The following PHF21B variants were observed in gnomAD, a reference collection of about 807,000 sequenced individuals.
PHF21B encodes PHD finger protein 4.
A neutral mutation model predicts 62.2 loss-of-function variants in PHF21B; 22 were observed. The ratio of observed to expected loss-of-function variants is 0.35; its 90% CI spans 0.25 to 0.51. The LOEUF is 0.51. PHF21B is among the 20% of genes least tolerant of loss of function. The pLI is 0.97. For missense variants in PHF21B, 701 were observed against 707.9 expected (o/e 0.99, Z 0.11); for synonymous variants, 341 against 314.7 (o/e 1.08, Z -0.88).
At chr22:44,998,496 C>T (rs951801475) in intron 2 of PHF21B, among the ~76,000 whole-genome samples, 6 of 152,160 alleles carry the variant, frequency 3.9e-5, no homozygotes, top group African/African-American at 1.4e-4. Context: ...CAGTTTCCCT[C>T]GGGTAAGATG....
intron 2 of PHF21B, among the ~76,000 whole-genome samples, chr22:44,986,003 AACCATC>A (rs1390044461): frequency 7.8e-6 from 1 of 127,590 alleles, no homozygotes; most frequent in East Asian, 2.6e-4. Context: ...TCACCATGAC[AACCATC>A]ACCAGCAGCA....
chr22:44,923,755 T>C (rs559044509), intron 2 of PHF21B, among the ~76,000 whole-genome samples: 76 of 152,252 alleles, frequency 5.0e-4, no homozygotes, highest in African/African-American at 1.8e-3. Flanking sequence ...CAGTGCCTCA[T>C]GCTTGAAATC....
chr22:44,994,861 A>G (rs2073094759), intron 2 of PHF21B, among the ~76,000 whole-genome samples: 1 of 152,264 alleles, frequency 6.6e-6, no homozygotes, highest in South Asian at 2.1e-4. Flanking sequence ...AAAGAAGTCC[A>G]GATAAAAATA....
chr22:44,974,068 C>T (rs1450420150), intron 2 of PHF21B, among the ~76,000 whole-genome samples: 1 of 152,160 alleles, frequency 6.6e-6, no homozygotes, highest in East Asian at 1.9e-4. Flanking sequence ...AGCAGACAGG[C>T]GTGACTATCA....
chr22:45,009,140 G>A lies in PHF21B; in HGVS notation c.54+356C>T. The A allele has an allele frequency of 1.5e-6, 1 of 670,300 alleles. No homozygotes were observed. The highest frequency in any genetic ancestry group is 2.0e-6 in the Non-Finnish European group (1 of 491,170). The allele number at this position is 670,300 out of a possible 1,614,324, so 41.5% of individuals were successfully genotyped here. A position where few individuals can be genotyped will look rare whatever the true frequency, so the allele number is the denominator to read the frequency against. Reference sequence around the variant, plus strand: ...AGGTTCGCCCGGGGCGCGGGGGCCCGAGGGGAGGCCGGAAGGGGGCCTATT... The same window carrying A: ...AGGTTCGCCCGGGGCGCGGGGGCCCAAGGGGAGGCCGGAAGGGGGCCTATT... On this transcript the variant is annotated intron_variant, in intron 1 of 12. Transcript: ENST00000313237. This position sits in a 1 kb window ranked among gnomAD's most constrained non-coding sequence, Gnocchi z 5.9.
chr22:44,909,294 G>C (rs2071305067), intron 5 of PHF21B, among the ~76,000 whole-genome samples: 1 of 152,182 alleles, frequency 6.6e-6, no homozygotes, highest in Non-Finnish European at 1.5e-5. Context: ...AATCCACCCA[G>C]AATACCTTCC....
At position 45,009,120 on chromosome 22, in the gene PHF21B, C is replaced by G. The variant is rs1364466981; in HGVS notation, c.54+376G>C. On this transcript the variant is annotated intron_variant, in intron 1 of 12. Coordinates refer to ENST00000313237, the MANE Select transcript of PHF21B (RefSeq NM_138415.5). The surrounding 1 kb of genome is among the most constrained non-coding windows in gnomAD (Gnocchi z 5.9). Reference sequence around the variant, plus strand: ...ACTACTTCTGCACACCGGGCAGGTTCGCCCGGGGCGCGGGGGCCCGAGGGG... The same window carrying G: ...ACTACTTCTGCACACCGGGCAGGTTGGCCCGGGGCGCGGGGGCCCGAGGGG... 1.4e-5 allele frequency: 12 copies of G among 860,492 alleles called. No individual in the cohort carries two copies. The East Asian group carries it at 3.6e-4, about 26-fold the overall frequency. The allele number at this position is 860,492 out of a possible 1,614,324, so 53.3% of individuals were successfully genotyped here. A position where few individuals can be genotyped will look rare whatever the true frequency, so the allele number is the denominator to read the frequency against.
chr22:44,957,965 C>T (rs987388688), intron 2 of PHF21B, among the ~76,000 whole-genome samples: 2 of 151,154 alleles, frequency 1.3e-5, no homozygotes, highest in African/African-American at 4.9e-5. Flanking sequence ...TGCAATGGCG[C>T]GATCTCGGCT....
intron 2 of PHF21B, among the ~76,000 whole-genome samples, chr22:44,994,959 C>T (rs6007406): frequency 0.21 from 32,035 of 152,182 alleles, 3,878 homozygotes; most frequent in African/African-American, 0.32. Flanking sequence ...CAGCTCAGGC[C>T]GAGAGGCCGC....
At chr22:44,901,705 T>C (rs2071162890) in intron 5 of PHF21B, 4 of 424,622 alleles carry the variant, frequency 9.4e-6, no homozygotes, top group Non-Finnish European at 1.6e-5. Flanking sequence ...GGAAGCCCCA[T>C]TGAAGCTGAA....
intron 4 of PHF21B, among the ~76,000 whole-genome samples, chr22:44,914,783 G>C (rs1022508172): frequency 4.6e-5 from 7 of 152,238 alleles, no homozygotes; most frequent in African/African-American, 1.7e-4. Context: ...GGCTCAGGGG[G>C]TGATCTGGTT....
intron 12 of PHF21B, among the ~76,000 whole-genome samples, chr22:44,884,047 CCACCACCAT>C (rs1177612505): frequency 2.0e-3 from 33 of 16,852 alleles, no homozygotes; most frequent in Admixed American, 0.012. Context: ...ATCAGCACCA[CCACCACCAT>C]CACCACCACC....
At chr22:44,901,867 G>T in intron 5 of PHF21B, 1 of 262,558 alleles carries the variant, frequency 3.8e-6, no homozygotes, top group Non-Finnish European at 7.6e-6. Context: ...ACAGTTGGTG[G>T]TGACAAGAAT....
At chr22:44,919,203 TC>T (rs2071491616) in intron 3 of PHF21B, among the ~76,000 whole-genome samples, 2 of 137,772 alleles carry the variant, frequency 1.5e-5, no homozygotes, top group African/African-American at 6.0e-5. Context: ...AGTGTCTCTT[TC>T]TGGCATGGCC....
intron 2 of PHF21B, among the ~76,000 whole-genome samples, chr22:44,988,158 C>G (rs1464661193): frequency 6.6e-6 from 1 of 152,224 alleles, no homozygotes; most frequent in Admixed American, 6.5e-5. Context: ...AAAAACTTTA[C>G]TGTAGAAAAT....
chr22:44,885,817 A>G (rs770027051), intron 11 of PHF21B, 46 bp downstream of exon 11: 13 of 1,575,478 alleles, frequency 8.3e-6, no homozygotes, highest in Non-Finnish European at 1.0e-5. Flanking sequence ...TGGGTGGGGG[A>G]GGAGGGGGAG....
At chr22:44,981,344 C>T (rs1174005699) in intron 2 of PHF21B, among the ~76,000 whole-genome samples, 1 of 152,156 alleles carries the variant, frequency 6.6e-6, no homozygotes, top group Non-Finnish European at 1.5e-5. Flanking sequence ...CTGGTAGCTC[C>T]TTCTCGTGAC....
chr22:44,934,737 C>A (rs1200777866), intron 2 of PHF21B, among the ~76,000 whole-genome samples: 1 of 152,092 alleles, frequency 6.6e-6, no homozygotes, highest in African/African-American at 2.4e-5. Flanking sequence ...ACTAAAGGTC[C>A]CCTCAGCCAG....
At chr22:44,984,299 TCAC>T (rs2072909546) in intron 2 of PHF21B, among the ~76,000 whole-genome samples, 1 of 142,426 alleles carries the variant, frequency 7.0e-6, no homozygotes, top group Admixed American at 7.1e-5. Flanking sequence ...ATCATCATCA[TCAC>T]CACCACAAAA....
Sources: gnomAD v4.1 joint callset for allele counts (sites outside exome capture counted in the v4.1 genomes callset) on GRCh38, gnomAD v4.1.1 for gene constraint, Gnocchi (gnomAD v3.1) non-coding constraint, MANE v1.5 for transcripts, NCBI Gene and HGNC (gene_info 2026-07-23, HGNC 2026-07-21) for gene names.